SUGT1: variants seen among roughly 807,000 people sequenced by gnomAD.
The protein encoded by SUGT1 is SGT1 assembly cochaperone of MIS12 kinetochore complex, also known as protein SGT1 homolog.
SUGT1 carries 15 observed loss-of-function variants against 56.1 expected under a neutral mutation model. The ratio of observed to expected loss-of-function variants is 0.27; its 90% CI spans 0.18 to 0.41. SUGT1 has a LOEUF of 0.41. Ranked by LOEUF, SUGT1 falls within the 10% of genes least tolerant of loss-of-function variation. The pLI, the probability that SUGT1 is intolerant of heterozygous loss-of-function variation, is 1.00. For synonymous variants in SUGT1, 123 were observed against 128.6 expected, an observed-to-expected ratio of 0.96 and a Z score of 0.30; for missense variants, 347 against 382.2, an observed-to-expected ratio of 0.91 and a Z score of 0.77.
intron 5 of SUGT1, among the ~76,000 whole-genome samples, chr13:52,662,411 C>T (rs145547558): frequency 7.7e-4 from 117 of 152,274 alleles, no homozygotes; most frequent in Admixed American, 2.4e-3. Flanking sequence ...TTAAGGTTGA[C>T]TGTAGTTAAA....
chr13:52,665,279 G>A (rs1444285758), intron 8 of SUGT1, among the ~76,000 whole-genome samples: 3 of 152,124 alleles, frequency 2.0e-5, no homozygotes, highest in Admixed American at 6.5e-5. Context: ...TGGATGAAAT[G>A]AGAGTATAAA....
rs1181661518 is a variant in SUGT1, at chr13:52,693,696, C to G, written c.*5861C>G. On this transcript the variant is annotated 3_prime_UTR_variant, in exon 13 of 13. Coordinates refer to ENST00000310528, the MANE Select transcript of SUGT1 (RefSeq NM_006704.5). Reference sequence around the variant, plus strand: ...CACAGGTATCTTAATCCAGAAGGCTCAAAATACTAATGTTTTGTGTGTGTG... The same window carrying G: ...CACAGGTATCTTAATCCAGAAGGCTGAAAATACTAATGTTTTGTGTGTGTG... 1 of 151,760 alleles carries G rather than the reference C, an allele frequency of 6.6e-6. No homozygotes were observed. 9.4% of individuals were successfully genotyped at this position (151,760 alleles called of 1,614,324 possible).
rs560630569 is a variant in SUGT1, at chr13:52,657,627, C to T, written c.187+5C>T. 46 of 1,610,424 alleles carry T rather than the reference C, an allele frequency of 2.9e-5. No individual in the cohort carries two copies. In the East Asian group the frequency reaches 3.3e-4, roughly 12 times the overall value. Reference sequence around the variant, plus strand: ...TTCTTCTTGGGAATTACTGTGGTAACGTTTCTTATAAAGTATATTGCCCCC... The same window carrying T: ...TTCTTCTTGGGAATTACTGTGGTAATGTTTCTTATAAAGTATATTGCCCCC... On this transcript the variant is annotated splice_donor_5th_base_variant and intron_variant, in intron 3 of 12. Transcript: ENST00000310528.
intron 12 of SUGT1, among the ~76,000 whole-genome samples, chr13:52,686,825 C>T (rs77035624): frequency 1.6e-3 from 239 of 152,128 alleles, no homozygotes; most frequent in African/African-American, 5.1e-3. Flanking sequence ...AATCCCAGCA[C>T]TTTGGGAGGC....
At chr13:52,676,459 A>G (rs1594248560) in intron 11 of SUGT1, 139 bp downstream of exon 11, 1 of 679,910 alleles carries the variant, frequency 1.5e-6, no homozygotes, top group East Asian at 3.2e-5. Context: ...GTTGCTCCGT[A>G]ATGAATATAA....
At chr13:52,681,245 ATC>A (rs1466694840) in intron 12 of SUGT1, among the ~76,000 whole-genome samples, 1 of 147,666 alleles carries the variant, frequency 6.8e-6, no homozygotes, top group African/African-American at 2.5e-5. Context: ...GAGAGACCCT[ATC>A]TCTACAAAAA....
At chr13:52,680,461 A>G (rs1286647660) in intron 12 of SUGT1, among the ~76,000 whole-genome samples, 2 of 152,158 alleles carry the variant, frequency 1.3e-5, no homozygotes, top group African/African-American at 4.8e-5. Flanking sequence ...TCCCTTCTAG[A>G]CTCATATGTA....
intron 6 of SUGT1, 41 bp from the exon 7 acceptor site, chr13:52,663,055 G>A: frequency 6.3e-7 from 1 of 1,599,888 alleles, no homozygotes; most frequent in Non-Finnish European, 8.5e-7. Context: ...GCTTAAAAAT[G>A]CACTGTTCCC....
At chr13:52,660,769 G>A (rs1962405737) in intron 5 of SUGT1, among the ~76,000 whole-genome samples, 1 of 152,168 alleles carries the variant, frequency 6.6e-6, no homozygotes, top group South Asian at 2.1e-4. Flanking sequence ...TGAAAATCCT[G>A]AAGAAACATG....
At chr13:52,659,806 ATATATATATTTTTTTTTTTTTTTTTTT>A (rs1962341289) in intron 5 of SUGT1, among the ~76,000 whole-genome samples, 1 of 19,694 alleles carries the variant, frequency 5.1e-5, no homozygotes, top group Non-Finnish European at 1.1e-4. Context: ...ATATATATAT[ATATATATATTTTTTTTTTTTTTTTTTT>A]TTTTTTTTTT....
Position 52,691,317 on chromosome 13 carries a change from C to T in SUGT1, c.*3482C>T, listed in dbSNP as rs1221237258. The T allele has an allele frequency of 6.6e-6, 1 of 152,100 alleles. No homozygotes were observed. The highest frequency in any genetic ancestry group is 6.5e-5 in the Admixed American group (1 of 15,268). 9.4% of individuals were successfully genotyped at this position (152,100 alleles called of 1,614,324 possible). ...CAAGTAAATATTTAAAATGGAGATACATCACAATGCTATTATGAATAATTT... is the reference window on the plus strand; with the variant it reads ...CAAGTAAATATTTAAAATGGAGATATATCACAATGCTATTATGAATAATTT... On this transcript the variant is annotated 3_prime_UTR_variant, in exon 13 of 13. Coordinates refer to ENST00000310528, the MANE Select transcript of SUGT1 (RefSeq NM_006704.5).
rs564648878 is a variant in SUGT1 at position 52,695,380 on chromosome 13, T to C, written c.*7545T>C. 1 of 152,344 alleles carries C rather than the reference T, an allele frequency of 6.6e-6. No individual in the cohort carries two copies. Among genetic ancestry groups the C allele is most frequent in the Non-Finnish European group, 1.5e-5 (1 of 68,034 alleles). 9.4% of individuals were successfully genotyped at this position (152,344 alleles called of 1,614,324 possible). A position where few individuals can be genotyped will look rare whatever the true frequency, so the allele number is the denominator to read the frequency against. ...AGTAGTAACTTATGAATCTAGACTCTTAAAATCCCAGTTCTGATACTTTCA... is the reference window on the plus strand; with the variant it reads ...AGTAGTAACTTATGAATCTAGACTCCTAAAATCCCAGTTCTGATACTTTCA... On this transcript the variant is annotated 3_prime_UTR_variant, in exon 13 of 13. Coordinates refer to ENST00000310528, the MANE Select transcript of SUGT1 (RefSeq NM_006704.5).
rs563382127 is a variant in SUGT1 at position 52,659,167 on chromosome 13, A to G, written c.258-12A>G. ...TTGTGTGTCTTAATTTGTTTTAAAT[A>G]TATTCATGCAGAATATGTGAATACC... is the stretch of plus-strand genomic sequence containing the variant. On this transcript the variant is annotated splice_polypyrimidine_tract_variant and intron_variant, in intron 4 of 12. Coordinates refer to ENST00000310528, the MANE Select transcript of SUGT1 (RefSeq NM_006704.5). 5.3e-6 allele frequency: 8 copies of G among 1,518,550 alleles called. 1 individual carries two copies. The South Asian group carries it at 9.3e-5, about 18-fold the overall frequency. The allele number at this position is 1,518,550 out of a possible 1,614,324, so 94.1% of individuals were successfully genotyped here.
intron 12 of SUGT1, among the ~76,000 whole-genome samples, chr13:52,681,846 AAAAAG>A (rs1237763789): frequency 1.3e-5 from 2 of 149,270 alleles, no homozygotes; most frequent in African/African-American, 4.9e-5. Flanking sequence ...TAAAAAAAAA[AAAAAG>A]AGAGAGAGAG....
chr13:52,652,863 G>T lies in SUGT1; in HGVS notation c.-58G>T. The T allele has an allele frequency of 6.3e-7, 1 of 1,591,150 alleles. No individual in the cohort carries two copies. The highest frequency in any genetic ancestry group is 2.3e-5 in the East Asian group (1 of 43,972). ...CCAGAAGTTTCCCCCTTGGGCGGTG[G>T]TGGAGGTGGTAACCGTGATAGTAGC... On this transcript the variant is annotated 5_prime_UTR_variant, in exon 1 of 13. Coordinates refer to ENST00000310528, the MANE Select transcript of SUGT1 (RefSeq NM_006704.5).
chr13:52,667,627 G>A lies in SUGT1; in HGVS notation c.627+708G>A, dbSNP rs1021815831. 2.6e-5 allele frequency among the ~76,000 whole-genome samples: 4 copies of A among 152,122 alleles called. No homozygotes were observed. The South Asian group carries it at 8.3e-4, about 32-fold the overall frequency. On this transcript the variant is annotated intron_variant, in intron 10 of 12. Coordinates refer to ENST00000310528, the MANE Select transcript of SUGT1 (RefSeq NM_006704.5). ...TTACTCTATTATGAGGGAACAATGAGTAAATTATAGTTTGAGTAATTTTTA... is the reference window on the plus strand; with the variant it reads ...TTACTCTATTATGAGGGAACAATGAATAAATTATAGTTTGAGTAATTTTTA...
Position 52,687,752 on chromosome 13 carries a change from G to C in SUGT1, c.919G>C (p.Val307Leu). 3 of 1,601,254 alleles carry C rather than the reference G, an allele frequency of 1.9e-6. No individual in the cohort carries two copies. The highest frequency in any genetic ancestry group is 2.6e-6 in the Non-Finnish European group (3 of 1,175,304). Reference sequence around the variant, plus strand: ...ATTGCAGATGGAGTCGGGTGGTACAGTTTTGAGTACCAACTGGTCTGATGT... The same window carrying C: ...ATTGCAGATGGAGTCGGGTGGTACACTTTTGAGTACCAACTGGTCTGATGT... The part of the protein sequence containing the change: ...NKSFMESGGT[V>L]LSTNWSDVGK... Residue 307 changes from valine (V) to leucine (L), a missense_variant, in exon 13 of 13, where the codon GTT (valine) becomes CTT (leucine). Coordinates refer to ENST00000310528, the MANE Select transcript of SUGT1 (RefSeq NM_006704.5).
rs1962679903 is a variant in SUGT1 at position 52,665,867 on chromosome 13, T to A, written c.519+134T>A. On this transcript the variant is annotated intron_variant, in intron 9 of 12. Transcript: ENST00000310528. Reference sequence around the variant, plus strand: ...ATGATTTGGAAAATGTTGAATAAAATCTGAAGCCATTGCTTTGAGGTAAGA... The same window carrying A: ...ATGATTTGGAAAATGTTGAATAAAAACTGAAGCCATTGCTTTGAGGTAAGA... 4.8e-5 allele frequency: 30 copies of A among 625,702 alleles called. No individual in the cohort carries two copies. In the South Asian group the frequency reaches 7.9e-4, roughly 17 times the overall value. 38.8% of individuals were successfully genotyped at this position (625,702 alleles called of 1,614,324 possible).
intron 11 of SUGT1, among the ~76,000 whole-genome samples, chr13:52,678,846 T>G (rs947695904): frequency 6.6e-6 from 1 of 151,124 alleles, no homozygotes; most frequent in Non-Finnish European, 1.5e-5. Context: ...CCCAGCTAAT[T>G]ATTATTATTT....
Sources: gnomAD v4.1 joint callset for allele counts (sites outside exome capture counted in the v4.1 genomes callset) on GRCh38, gnomAD v4.1.1 for gene constraint, MANE v1.5 for transcripts, NCBI Gene and HGNC (gene_info 2026-07-23, HGNC 2026-07-21) for gene names.